Variants in SCAMP4 observed in about 807,000 individuals in gnomAD.
SCAMP4 encodes secretory carrier membrane protein 4.
In SCAMP4, 19 loss-of-function variants were observed where a neutral mutation model predicts 32.1. The ratio of observed to expected loss-of-function variants is 0.59; its 90% CI spans 0.41 to 0.87. The LOEUF (loss-of-function observed/expected upper bound fraction) is 0.87, where lower values mean the gene tolerates loss of function less well. Among genes scored for constraint, SCAMP4 ranks in the 40% least tolerant of loss-of-function variants. The pLI, the probability that SCAMP4 is intolerant of heterozygous loss-of-function variation, is 0.00. For synonymous variants in SCAMP4, 152 were observed against 132.7 expected, an observed-to-expected ratio of 1.15 and a Z score of -1.00; for missense variants, 302 against 309.0, an observed-to-expected ratio of 0.98 and a Z score of 0.17.
At chr19:1,921,128 C>T in intron 5 of SCAMP4, 1 of 985,444 alleles carries the variant, frequency 1.0e-6, no homozygotes, top group Non-Finnish European at 1.2e-6. Context: ...TTAGTGAGGC[C>T]CCACGCTCAG....
At chr19:1,920,685 T>TC (rs1388679906) in intron 5 of SCAMP4, 1 of 985,356 alleles carries the variant, frequency 1.0e-6, no homozygotes, top group African/African-American at 1.7e-5. Context: ...CTCGTCATCC[T>TC]CCGAGTCCTC....
chr19:1,915,826 G>A (rs963856483), intron 2 of SCAMP4, among the ~76,000 whole-genome samples: 4 of 151,958 alleles, frequency 2.6e-5, no homozygotes, highest in African/African-American at 9.7e-5. Flanking sequence ...GGTGCCTGTA[G>A]TCCCAGCTAC....
chr19:1,912,161 G>A, intron 1 of SCAMP4: 1 of 1,571,324 alleles, frequency 6.4e-7, no homozygotes, highest in Non-Finnish European at 8.6e-7. Flanking sequence ...CGGAGCCTGA[G>A]CCGGCGCCGT....
At position 1,917,783 on chromosome 19, in the gene SCAMP4, C is replaced by G; in HGVS notation, c.97C>G (p.His33Asp). 6.2e-7 allele frequency: 1 copy of G among 1,614,018 alleles called. No homozygotes were observed. The highest frequency in any genetic ancestry group is 8.5e-7 in the Non-Finnish European group (1 of 1,179,882). ...CTTCTCCGACGAGATCCCAGTGGAG[C>G]ACCAGGTCCTGGTGAAGAGGATCTA... ...QNFSDEIPVE[H>D]QVLVKRIYRL... The change falls in exon 3 of 7, where the codon CAC (histidine) becomes GAC (aspartate). Residue 33 changes from histidine (H) to aspartate (D), a missense_variant. Coordinates refer to ENST00000316097, the MANE Select transcript of SCAMP4 (RefSeq NM_079834.4).
At chr19:1,917,961 A>C in intron 3 of SCAMP4, 139 bp downstream of exon 3, 1 of 1,372,638 alleles carries the variant, frequency 7.3e-7, no homozygotes, top group Non-Finnish European at 1.0e-6. Flanking sequence ...CCTGCGGTGA[A>C]CGAGGCTGGT....
At chr19:1,919,095 T>A in intron 5 of SCAMP4, 105 bp downstream of exon 5, 1 of 1,540,058 alleles carries the variant, frequency 6.5e-7, no homozygotes, top group Non-Finnish European at 8.8e-7. Context: ...GGTCCGGGAT[T>A]GTACGCGCTC....
rs372647774 is a variant in SCAMP4, at chr19:1,917,871, C to G, written c.136+49C>G. 1.0e-5 allele frequency: 16 copies of G among 1,607,482 alleles called. No homozygotes were observed. The East Asian group carries it at 2.2e-4, about 22-fold the overall frequency. The stretch of plus-strand genomic sequence containing the variant: ...GCGGGAAGCGGGAGGCAGGGCTCCC[C>G]GAGGGAGGGAGTGGCATTCAGGCAG... On this transcript the variant is annotated intron_variant, in intron 3 of 6. Coordinates refer to ENST00000316097, the MANE Select transcript of SCAMP4 (RefSeq NM_079834.4).
At chr19:1,917,875 G>GGAGGGA (rs1279720240) in intron 3 of SCAMP4, 53 bp downstream of exon 3, 50 of 1,606,504 alleles carry the variant, frequency 3.1e-5, no homozygotes, top group Admixed American at 5.0e-5. Flanking sequence ...GCTCCCCGAG[G>GGAGGGA]GAGGGAGTGG....
chr19:1,914,030 A>AG (rs1337200702), intron 1 of SCAMP4, among the ~76,000 whole-genome samples: 4 of 152,044 alleles, frequency 2.6e-5, no homozygotes, highest in Non-Finnish European at 5.9e-5. Context: ...GGTGGGACTG[A>AG]GGTGGGCTGG....
In SCAMP4 at chr19:1,924,091, G is replaced by C; in HGVS notation, c.514-17G>C. The C allele has an allele frequency of 6.3e-7, 1 of 1,581,488 alleles. No individual in the cohort carries two copies. The highest frequency in any genetic ancestry group is 8.5e-7 in the Non-Finnish European group (1 of 1,170,968). ...CTCATTTTCTGTCTTCTGCCTCCCT[G>C]TCCTCTGTCCTTGCAGGTGCACAGG... On this transcript the variant is annotated splice_polypyrimidine_tract_variant and intron_variant, in intron 6 of 6. Coordinates refer to ENST00000316097, the MANE Select transcript of SCAMP4 (RefSeq NM_079834.4).
Position 1,911,904 on chromosome 19 carries a change from T to C in SCAMP4, c.-41-3075T>C, listed in dbSNP as rs1010322695. 9 of 1,052,202 alleles carry C rather than the reference T, an allele frequency of 8.6e-6. No homozygotes were observed. The African/African-American group carries it at 1.2e-4, about 14-fold the overall frequency. The allele number at this position is 1,052,202 out of a possible 1,614,324, so 65.2% of individuals were successfully genotyped here. On this transcript the variant is annotated intron_variant, in intron 1 of 6. Coordinates refer to ENST00000316097, the MANE Select transcript of SCAMP4 (RefSeq NM_079834.4). ...GTGCACACCAGGGGTTAGCAGGACA[T>C]GAGGGAGTGTAGCTCTGATGCGGTG...
In SCAMP4 at chr19:1,905,616, GGCGGCGCGAATGCGCGTGCGCGCGCGCGC is replaced by G. The variant is rs535899941; in HGVS notation, c.-42+185_-42+213del. 9.2e-4 allele frequency: 151 copies of G among 164,854 alleles called. 1 individual carries two copies. The highest frequency in any genetic ancestry group is 3.6e-3 in the African/African-American group (148 of 41,336). 10.2% of individuals were successfully genotyped at this position (164,854 alleles called of 1,614,324 possible). On this transcript the variant is annotated intron_variant, in intron 1 of 6. Transcript: ENST00000316097. ...GGCGGGCCGGTGGGCGACGCGGGGA[GGCGGCGCGAATGCGCGTGCGCGCGCGCGC>G]GCGGCGCTGGCCTGGGGGAAGCCTC...
intron 6 of SCAMP4, 47 bp from the exon 7 acceptor site, chr19:1,924,061 C>T (rs766745759): frequency 2.0e-5 from 30 of 1,511,288 alleles, no homozygotes; most frequent in Non-Finnish European, 2.5e-5. Flanking sequence ...TGCCCGGCCG[C>T]CATGCTCATT....
chr19:1,917,268 T>G (rs966132244), intron 2 of SCAMP4, among the ~76,000 whole-genome samples: 7 of 152,220 alleles, frequency 4.6e-5, no homozygotes, highest in Non-Finnish European at 7.3e-5. Context: ...ATCGCACCAC[T>G]GCCCTCTAGC....
At position 1,924,124 on chromosome 19, in the gene SCAMP4, G is replaced by T. The variant is rs201563493; in HGVS notation, c.530G>T (p.Arg177Leu). The change falls in exon 7 of 7, where the codon CGA (arginine) becomes CTA (leucine). Residue 177 changes from arginine (R) to leucine (L), a missense_variant. Transcript: ENST00000316097. Reference protein sequence around the residue: ...IAIMKVHRIYRGAGGSFQKAQ... With the variant: ...IAIMKVHRIYLGAGGSFQKAQ... ...TCCTTGCAGGTGCACAGGATCTACC[G>T]AGGGGCTGGCGGAAGCTTCCAGAAG... 6.2e-7 allele frequency: 1 copy of T among 1,610,292 alleles called. No homozygotes were observed. The highest frequency in any genetic ancestry group is 8.5e-7 in the Non-Finnish European group (1 of 1,178,730).
chr19:1,924,229 G>A lies in SCAMP4; in HGVS notation c.635G>A (p.Ser212Asn). Residue 212 changes from serine (S) to asparagine (N), a missense_variant, in exon 7 of 7, where the codon AGC becomes AAC. By Grantham distance (46) the Ser-to-Asn change is conservative. Coordinates refer to ENST00000316097, the MANE Select transcript of SCAMP4 (RefSeq NM_079834.4). Reference sequence around the variant, plus strand: ...CAGTACAACAACTTCTCAGGCAACAGCCTGCCCGAGTACCCCACTGTGCCC... The same window carrying A: ...CAGTACAACAACTTCTCAGGCAACAACCTGCCCGAGTACCCCACTGTGCCC... ...EAQYNNFSGN[S>N]LPEYPTVPSY... 1 of 1,606,500 alleles carries A rather than the reference G, an allele frequency of 6.2e-7. No individual in the cohort carries two copies. Among genetic ancestry groups the A allele is most frequent in the South Asian group, 1.1e-5 (1 of 89,858 alleles).
Position 1,908,706 on chromosome 19 carries a change from C to T in SCAMP4, c.-42+3267C>T, listed in dbSNP as rs1305669329. 1 of 393,664 alleles carries T rather than the reference C, an allele frequency of 2.5e-6. No homozygotes were observed. 24.4% of individuals were successfully genotyped at this position (393,664 alleles called of 1,614,324 possible). ...AAGGAACAGGGTCTCTCTATCTTGCCCACGTTGGTCTCAAACTCCTGTGCT... is the reference window on the plus strand; with the variant it reads ...AAGGAACAGGGTCTCTCTATCTTGCTCACGTTGGTCTCAAACTCCTGTGCT... On this transcript the variant is annotated intron_variant, in intron 1 of 6. Coordinates refer to ENST00000316097, the MANE Select transcript of SCAMP4 (RefSeq NM_079834.4). The surrounding 1 kb of genome is among the most constrained non-coding windows in gnomAD (Gnocchi z 4.2).
chr19:1,919,602 T>C (rs1403887199), intron 5 of SCAMP4: 4 of 303,470 alleles, frequency 1.3e-5, no homozygotes, highest in African/African-American at 9.3e-5. Flanking sequence ...GTTCAAGCAA[T>C]TCTCCTGCCT....
rs1479208351 is a variant in SCAMP4, at chr19:1,911,884, C to T, written c.-41-3095C>T. On this transcript the variant is annotated intron_variant, in intron 1 of 6. Coordinates refer to ENST00000316097, the MANE Select transcript of SCAMP4 (RefSeq NM_079834.4). ...CCAATGGCTGTTTAAACTCTGTGCA[C>T]ACCAGGGGTTAGCAGGACATGAGGG... The T allele has an allele frequency of 6.1e-6, 5 of 824,522 alleles. No individual in the cohort carries two copies. In the African/African-American group the frequency reaches 7.2e-5, roughly 12 times the overall value. 51.1% of individuals were successfully genotyped at this position (824,522 alleles called of 1,614,324 possible). A position where few individuals can be genotyped will look rare whatever the true frequency, so the allele number is the denominator to read the frequency against.
Sources: gnomAD v4.1 joint callset for allele counts (sites outside exome capture counted in the v4.1 genomes callset) on GRCh38, gnomAD v4.1.1 for gene constraint, Gnocchi (gnomAD v3.1) non-coding constraint, MANE v1.5 for transcripts, NCBI Gene and HGNC (gene_info 2026-07-23, HGNC 2026-07-21) for gene names.